The following IGF1R variants were observed in gnomAD, a reference collection of about 807,000 sequenced individuals.
IGF1R encodes insulin like growth factor 1 receptor, also known as insulin-like growth factor 1 receptor.
Under a neutral mutation model 144.6 loss-of-function variants are expected in IGF1R, and 44 were observed. The observed-to-expected ratio is 0.30, with a 90% CI of 0.24 to 0.39. IGF1R has a LOEUF of 0.39. IGF1R is among the 10% of genes least tolerant of loss of function. The probability of loss-of-function intolerance (pLI) is 1.00; values close to 1 mark genes in which losing one functional copy is unlikely to be tolerated. For synonymous variants in IGF1R, 795 were observed against 722.8 expected, an observed-to-expected ratio of 1.10 and a Z score of -1.60; for missense variants, 1,355 against 1,833.7, an observed-to-expected ratio of 0.74 and a Z score of 4.77.
rs1460649795 is a variant in IGF1R, at chr15:98,648,885, G to GCGGGCGGCGGCGCAGAGC, written c.-687_-670dup. 1.4e-5 allele frequency: 2 copies of GCGGGCGGCGGCGCAGAGC among 145,862 alleles called. No individual in the cohort carries two copies. The highest frequency in any genetic ancestry group is 2.5e-5 in the African/African-American group (1 of 40,480). The allele number at this position is 145,862 out of a possible 1,614,324, so 9.0% of individuals were successfully genotyped here. A position where few individuals can be genotyped will look rare whatever the true frequency, so the allele number is the denominator to read the frequency against. On this transcript the variant is annotated 5_prime_UTR_variant, in exon 1 of 21. Transcript: ENST00000650285. ...GGGGCCGGGCGGGGGCCGGCGCGGG[G>GCGGGCGGCGGCGCAGAGC]CGGGCGGCGGCGCAGAGCCGGGCGG...
chr15:98,882,316 A>C (rs554349418), intron 2 of IGF1R, among the ~76,000 whole-genome samples: 74 of 152,324 alleles, frequency 4.9e-4, no homozygotes, highest in African/African-American at 1.7e-3. Flanking sequence ...AGGAAAGCGC[A>C]TTTTTAATAT....
chr15:98,673,796 C>G (rs2052961030), intron 1 of IGF1R, among the ~76,000 whole-genome samples: 3 of 152,194 alleles, frequency 2.0e-5, no homozygotes, highest in Admixed American at 2.0e-4. Flanking sequence ...AGTTATTGTG[C>G]AAATACCTGA....
At chr15:98,751,499 T>TGTAAAGTGACATG (rs1339816842) in intron 2 of IGF1R, among the ~76,000 whole-genome samples, 2 of 152,218 alleles carry the variant, frequency 1.3e-5, no homozygotes, top group Non-Finnish European at 2.9e-5. Flanking sequence ...TTAATGGTAG[T>TGTAAAGTGACATG]GTAAAGTGAC....
chr15:98,664,710 TG>T (rs1425992830), intron 1 of IGF1R, among the ~76,000 whole-genome samples: 8 of 135,634 alleles, frequency 5.9e-5, no homozygotes, highest in Non-Finnish European at 1.5e-5. Context: ...AAAAAAAAAG[TG>T]TCACCCATCT....
At position 98,850,602 on chromosome 15, in the gene IGF1R, G is replaced by A. The variant is rs114061784; in HGVS notation, c.641-40723G>A. Among the ~76,000 whole-genome samples the A allele has an allele frequency of 4.7e-3, 712 of 152,348 alleles. 3 individuals carry two copies. Among genetic ancestry groups the A allele is most frequent in the African/African-American group, 0.016 (659 of 41,586 alleles). On this transcript the variant is annotated intron_variant, in intron 2 of 20. Transcript: ENST00000650285. Reference sequence around the variant, plus strand: ...TGGAACTTGTGGCATGTTGCCAAGGGAAGAAGTGATTTTTAGACAGAATAG... The same window carrying A: ...TGGAACTTGTGGCATGTTGCCAAGGAAAGAAGTGATTTTTAGACAGAATAG...
intron 2 of IGF1R, among the ~76,000 whole-genome samples, chr15:98,757,565 T>C (rs2055185690): frequency 6.6e-6 from 1 of 152,196 alleles, no homozygotes; most frequent in South Asian, 2.1e-4. Flanking sequence ...TTTTTATTTT[T>C]CAGGGATTAC....
At chr15:98,943,117 G>A in intron 19 of IGF1R, 65 bp downstream of exon 19, 1 of 1,567,534 alleles carries the variant, frequency 6.4e-7, no homozygotes, top group South Asian at 1.1e-5. Flanking sequence ...CACCAGCTCA[G>A]TCTCTAGGGC....
intron 2 of IGF1R, among the ~76,000 whole-genome samples, chr15:98,753,037 G>A (rs1169367414): frequency 1.3e-5 from 2 of 148,360 alleles, no homozygotes; most frequent in African/African-American, 2.5e-5. Context: ...CAGGGTTCAA[G>A]CGATTCTCCT....
At position 98,957,322 on chromosome 15, in the gene IGF1R, C is replaced by T. The variant is rs794727336; in HGVS notation, c.3984C>T (p.Gly1328=). The change falls in exon 21 of 21, where the codon GGC becomes GGT. Residue 1328 remains glycine (G), a synonymous_variant. Coordinates refer to ENST00000650285, the MANE Select transcript of IGF1R (RefSeq NM_000875.5). ...DRHSGHKAEN[G]PGPGVLVLRA... is the part of the protein sequence containing the mutation. ...ACTCAGGACACAAGGCCGAGAACGG[C>T]CCCGGCCCTGGGGTGCTGGTCCTCC... 6.2e-7 allele frequency: 1 copy of T among 1,612,444 alleles called. No individual in the cohort carries two copies. Among genetic ancestry groups the T allele is most frequent in the South Asian group, 1.1e-5 (1 of 91,010 alleles).
chr15:98,663,597 T>C (rs566680045), intron 1 of IGF1R, among the ~76,000 whole-genome samples: 5 of 152,212 alleles, frequency 3.3e-5, no homozygotes, highest in African/African-American at 1.2e-4. Context: ...GTGAGCGCTG[T>C]TGTTGTTCGT....
chr15:98,949,057 A>G (rs554040358), intron 20 of IGF1R, among the ~76,000 whole-genome samples: 1 of 152,144 alleles, frequency 6.6e-6, no homozygotes, highest in African/African-American at 2.4e-5. Flanking sequence ...AAAGAAGGCT[A>G]CAACACAACA....
At chr15:98,845,014 C>T (rs1008693060) in intron 2 of IGF1R, among the ~76,000 whole-genome samples, 13 of 152,202 alleles carry the variant, frequency 8.5e-5, no homozygotes, top group African/African-American at 2.9e-4. Flanking sequence ...CCTCTCCACA[C>T]ACAACATACC....
intron 2 of IGF1R, among the ~76,000 whole-genome samples, chr15:98,884,745 A>T (rs1176376407): frequency 6.6e-6 from 1 of 151,286 alleles, no homozygotes; most frequent in Non-Finnish European, 1.5e-5. Context: ...ACATATCTTG[A>T]ATCTACCCTG....
At chr15:98,828,450 C>T (rs1400003423) in intron 2 of IGF1R, among the ~76,000 whole-genome samples, 1 of 152,112 alleles carries the variant, frequency 6.6e-6, no homozygotes, top group African/African-American at 2.4e-5. Context: ...TAAAACGACT[C>T]ATTTGTGGAT....
intron 13 of IGF1R, among the ~76,000 whole-genome samples, chr15:98,928,941 G>A (rs2715437): frequency 0.97 from 148,287 of 152,262 alleles, 72,349 homozygotes; most frequent in East Asian, 1. Context: ...TAAATTGTCT[G>A]TGGAACTATC....
At chr15:98,683,843 A>C (rs536896415) in intron 1 of IGF1R, among the ~76,000 whole-genome samples, 3 of 152,288 alleles carry the variant, frequency 2.0e-5, no homozygotes, top group Admixed American at 2.0e-4. Context: ...CATTCTTCTT[A>C]ATTTTTTCTG....
At chr15:98,808,010 G>A (rs777757046) in intron 2 of IGF1R, among the ~76,000 whole-genome samples, 24 of 152,160 alleles carry the variant, frequency 1.6e-4, no homozygotes, top group Non-Finnish European at 2.9e-5. Flanking sequence ...TTTTTTGGTG[G>A]TGAGGTACTA....
chr15:98,671,515 T>G (rs548609173), intron 1 of IGF1R, among the ~76,000 whole-genome samples: 1 of 152,340 alleles, frequency 6.6e-6, no homozygotes, highest in East Asian at 1.9e-4. Flanking sequence ...GGCATGGAGC[T>G]GGAGACTGGG....
At chr15:98,755,188 C>G (rs970929362) in intron 2 of IGF1R, among the ~76,000 whole-genome samples, 1 of 151,060 alleles carries the variant, frequency 6.6e-6, no homozygotes, top group Admixed American at 6.6e-5. Flanking sequence ...TGAATAGCCT[C>G]TATATAGTCT....
Sources: gnomAD v4.1 joint callset for allele counts (sites outside exome capture counted in the v4.1 genomes callset) on GRCh38, gnomAD v4.1.1 for gene constraint, MANE v1.5 for transcripts, NCBI Gene and HGNC (gene_info 2026-07-23, HGNC 2026-07-21) for gene names.